The following CSMD1 variants were observed in gnomAD, a reference collection of about 807,000 sequenced individuals.
CSMD1 encodes CUB and Sushi multiple domains 1, also known as CUB and sushi domain-containing protein 1.
Under a neutral mutation model 417.5 loss-of-function variants are expected in CSMD1, and 213 were observed. The ratio of observed to expected loss-of-function variants is 0.51; its 90% CI spans 0.46 to 0.57. CSMD1 has a LOEUF of 0.57. CSMD1 is among the 20% of genes least tolerant of loss of function. CSMD1 has a pLI of 0.00. For synonymous variants in CSMD1, 2,862 were observed against 1,736.8 expected, an observed-to-expected ratio of 1.65 and a Z score of -16.11; for missense variants, 6,923 against 4,529.7, an observed-to-expected ratio of 1.53 and a Z score of -15.17.
intron 3 of CSMD1, among the ~76,000 whole-genome samples, chr8:4,220,597 G>A (rs751456688): frequency 2.0e-5 from 3 of 152,168 alleles, no homozygotes; most frequent in Admixed American, 6.5e-5. Context: ...GAGTGATAAG[G>A]GTCCATGTGA....
At chr8:3,159,482 C>A (rs2129039173) in intron 38 of CSMD1, among the ~76,000 whole-genome samples, 1 of 152,312 alleles carries the variant, frequency 6.6e-6, no homozygotes, top group Non-Finnish European at 1.5e-5. Flanking sequence ...CTGAATCACA[C>A]TAGGCATATG....
At position 3,122,915 on chromosome 8, in the gene CSMD1, G is replaced by A. The variant is rs75564980; in HGVS notation, c.6242-4328C>T. On this transcript the variant is annotated intron_variant, in intron 41 of 69. Transcript: ENST00000635120. ...TCTCAGTTGTTTTTGTGTCTGATAA[G>A]TAGAATATTGGACTGTTGGAATCTT... is the stretch of plus-strand genomic sequence containing the variant. Among the ~76,000 whole-genome samples, 251 of 152,208 alleles carry A rather than the reference G, an allele frequency of 1.6e-3. 1 individual carries two copies. The highest frequency in any genetic ancestry group is 5.2e-3 in the African/African-American group (216 of 41,534).
chr8:3,978,062 T>C (rs1020819374), intron 5 of CSMD1, among the ~76,000 whole-genome samples: 1 of 152,210 alleles, frequency 6.6e-6, no homozygotes, highest in Admixed American at 6.5e-5. Context: ...AAGCACGTTG[T>C]ACTGGAGCAA....
chr8:4,561,799 G>C (rs994431658), intron 2 of CSMD1, among the ~76,000 whole-genome samples: 1 of 152,200 alleles, frequency 6.6e-6, no homozygotes, highest in Non-Finnish European at 1.5e-5. Flanking sequence ...TGATGAGGCA[G>C]AGGTTATGAA....
intron 2 of CSMD1, among the ~76,000 whole-genome samples, chr8:4,445,996 C>T (rs934176639): frequency 6.6e-6 from 1 of 152,132 alleles, no homozygotes; most frequent in Non-Finnish European, 1.5e-5. Context: ...TGCCTCTTCC[C>T]TGGCAGCACC....
Position 4,419,938 on chromosome 8 carries a change from C to G in CSMD1, c.415+15G>C. 1.3e-6 allele frequency: 2 copies of G among 1,519,834 alleles called. No individual in the cohort carries two copies. The highest frequency in any genetic ancestry group is 1.8e-6 in the Non-Finnish European group (2 of 1,114,328). The allele number at this position is 1,519,834 out of a possible 1,614,324, so 94.1% of individuals were successfully genotyped here. A position where few individuals can be genotyped will look rare whatever the true frequency, so the allele number is the denominator to read the frequency against. On this transcript the variant is annotated intron_variant, in intron 3 of 69. Transcript: ENST00000635120. ...GGACAGTGAATGCATGTGCAAAACA[C>G]AACCAATCTCCTACCTTCATATAAT...
In CSMD1 at chr8:3,528,434, T is replaced by A. The variant is rs543347163; in HGVS notation, c.1345-34708A>T. On this transcript the variant is annotated intron_variant, in intron 10 of 69. Transcript: ENST00000635120. ...AGGAGGATGGCTCTGTATGCAAGTC[T>A]AGCCATGCCTGCTTCTATGCCTTGC... Among the ~76,000 whole-genome samples the A allele has an allele frequency of 5.3e-5, 8 of 152,336 alleles. No individual in the cohort carries two copies. In the South Asian group the frequency reaches 8.3e-4, roughly 16 times the overall value.
rs117263407 is a variant in CSMD1 at position 4,283,744 on chromosome 8, G to C, written c.415+136209C>G. Among the ~76,000 whole-genome samples the C allele has an allele frequency of 9.2e-3, 1,388 of 151,110 alleles. 10 individuals are homozygous for C. The highest frequency in any genetic ancestry group is 0.016 in the Non-Finnish European group (1,093 of 67,886). On this transcript the variant is annotated intron_variant, in intron 3 of 69. Coordinates refer to ENST00000635120, the MANE Select transcript of CSMD1 (RefSeq NM_033225.6). ...TTAACTCCTCAAGGAATGCATGAGT[G>C]TTTTATCATATTAAAATTCTGGACA... is the stretch of plus-strand genomic sequence containing the variant.
intron 1 of CSMD1, among the ~76,000 whole-genome samples, chr8:4,882,745 T>A (rs1442393553): frequency 6.6e-6 from 1 of 151,898 alleles, no homozygotes; most frequent in Non-Finnish European, 1.5e-5. Flanking sequence ...TATAATATTA[T>A]AATAATTATC....
intron 7 of CSMD1, among the ~76,000 whole-genome samples, chr8:3,631,908 A>T (rs1017001298): frequency 6.6e-6 from 1 of 152,194 alleles, no homozygotes; most frequent in Admixed American, 6.5e-5. Flanking sequence ...TAGACTGACG[A>T]AGCAAAACCC....
intron 7 of CSMD1, among the ~76,000 whole-genome samples, chr8:3,691,374 A>C (rs534499047): frequency 6.6e-6 from 1 of 152,172 alleles, no homozygotes; most frequent in East Asian, 1.9e-4. Flanking sequence ...CTCAAAAAAA[A>C]AAACAAAACA....
At chr8:4,648,540 T>C (rs1486525242) in intron 1 of CSMD1, among the ~76,000 whole-genome samples, 1 of 152,206 alleles carries the variant, frequency 6.6e-6, no homozygotes, top group African/African-American at 2.4e-5. Flanking sequence ...GAAATAGTGC[T>C]ATAACTTATA....
At chr8:4,109,489 A>G (rs775411465) in intron 3 of CSMD1, among the ~76,000 whole-genome samples, 3 of 152,182 alleles carry the variant, frequency 2.0e-5, no homozygotes, top group Non-Finnish European at 4.4e-5. Flanking sequence ...ACAATCCCAT[A>G]CATGCTGTGC....
intron 7 of CSMD1, among the ~76,000 whole-genome samples, chr8:3,656,370 A>T (rs1203248112): frequency 6.6e-6 from 1 of 151,850 alleles, no homozygotes; most frequent in Non-Finnish European, 1.5e-5. Context: ...TTTATTTGAT[A>T]GATGACACCT....
chr8:3,363,568 C>T (rs1809342636), intron 20 of CSMD1, among the ~76,000 whole-genome samples: 1 of 151,884 alleles, frequency 6.6e-6, no homozygotes, highest in South Asian at 2.1e-4. Flanking sequence ...CGCTGTATTG[C>T]CGAGGCTGGA....
rs187047539 is a variant in CSMD1, at chr8:4,006,338, G to C, written c.611-8228C>G. Among the ~76,000 whole-genome samples, 156 of 152,348 alleles carry C rather than the reference G, an allele frequency of 1.0e-3. 2 individuals carry two copies. Among genetic ancestry groups the C allele is most frequent in the African/African-American group, 3.5e-3 (145 of 41,576 alleles). On this transcript the variant is annotated intron_variant, in intron 4 of 69. Coordinates refer to ENST00000635120, the MANE Select transcript of CSMD1 (RefSeq NM_033225.6). Reference sequence around the variant, plus strand: ...ATGGATGGATCACCTGAGGTCAGCAGTTTGAGGCCAGCCTGGCCAACATGG... The same window carrying C: ...ATGGATGGATCACCTGAGGTCAGCACTTTGAGGCCAGCCTGGCCAACATGG...
At chr8:4,335,397 C>T (rs753354040) in intron 3 of CSMD1, among the ~76,000 whole-genome samples, 1 of 152,122 alleles carries the variant, frequency 6.6e-6, no homozygotes, top group Non-Finnish European at 1.5e-5. Flanking sequence ...AATACATTAA[C>T]ATTGCACCAT....
intron 39 of CSMD1, among the ~76,000 whole-genome samples, chr8:3,156,497 C>G (rs1388731852): frequency 6.6e-6 from 1 of 152,136 alleles, no homozygotes; most frequent in African/African-American, 2.4e-5. Flanking sequence ...CATTACAACT[C>G]TGCAGGAAGT....
At chr8:3,920,351 G>T (rs945508691) in intron 5 of CSMD1, among the ~76,000 whole-genome samples, 3 of 124,346 alleles carry the variant, frequency 2.4e-5, no homozygotes, top group Non-Finnish European at 4.7e-5. Flanking sequence ...TCTAAGATGC[G>T]TGTGTGTTTG....
Sources: gnomAD v4.1 joint callset for allele counts (sites outside exome capture counted in the v4.1 genomes callset) on GRCh38, gnomAD v4.1.1 for gene constraint, MANE v1.5 for transcripts, NCBI Gene and HGNC (gene_info 2026-07-23, HGNC 2026-07-21) for gene names.